NFKBIZ: variants seen among roughly 807,000 people sequenced by gnomAD.
NFKBIZ encodes the protein NFKB inhibitor zeta.
Under a neutral mutation model 76.8 loss-of-function variants are expected in NFKBIZ, and 19 were observed. The ratio of observed to expected loss-of-function variants is 0.25; its 90% CI spans 0.17 to 0.36. NFKBIZ has a LOEUF of 0.36. NFKBIZ is among the 10% of genes least tolerant of loss of function. The probability of loss-of-function intolerance (pLI) is 1.00; values close to 1 mark genes in which losing one functional copy is unlikely to be tolerated. For missense variants in NFKBIZ, 829 were observed against 910.9 expected (o/e 0.91, Z 1.16); for synonymous variants, 368 against 354.8 (o/e 1.04, Z -0.42).
At chr3:101,833,915 T>C (rs183823196) in intron 2 of NFKBIZ, among the ~76,000 whole-genome samples, 1 of 152,328 alleles carries the variant, frequency 6.6e-6, no homozygotes, top group African/African-American at 2.4e-5. Flanking sequence ...GGACATGCTT[T>C]CTCCACCCCA....
chr3:101,850,999 C>A (rs539668454), intron 1 of NFKBIZ, among the ~76,000 whole-genome samples: 3 of 152,314 alleles, frequency 2.0e-5, no homozygotes, highest in Non-Finnish European at 4.4e-5. Flanking sequence ...TTATGAACTG[C>A]TGTCATTCCA....
chr3:101,836,314 C>T (rs1942719677), intron 2 of NFKBIZ, among the ~76,000 whole-genome samples: 1 of 152,218 alleles, frequency 6.6e-6, no homozygotes, highest in African/African-American at 2.4e-5. Flanking sequence ...TCTGAAACTG[C>T]TTTGTTGTCA....
rs771185431 is a variant in NFKBIZ at position 101,849,682 on chromosome 3, C to T, written c.54C>T (p.Asp18=). ...GCCGCGGCGGAGAGGGGCTGCGGGA[C>T]GCGGCGGGCGGCTGCGGCCTCATGA... ...DDSRGGEGLR[D]AAGGCGLMTS... is the part of the protein sequence containing the mutation. Residue 18 remains aspartate (D), a synonymous_variant, in exon 1 of 12, where the codon GAC becomes GAT. Transcript: ENST00000326172. The T allele has an allele frequency of 7.2e-6, 10 of 1,392,934 alleles. No homozygotes were observed. The highest frequency in any genetic ancestry group is 3.2e-5 in the South Asian group (2 of 61,914). 86.3% of individuals were successfully genotyped at this position (1,392,934 alleles called of 1,614,324 possible).
At chr3:101,834,729 C>A (rs1490087672) in intron 2 of NFKBIZ, among the ~76,000 whole-genome samples, 5 of 152,228 alleles carry the variant, frequency 3.3e-5, no homozygotes, top group African/African-American at 4.8e-5. Context: ...AAACAGTTCC[C>A]CTCTTTCCAT....
chr3:101,840,438 CAGGT>C (rs1942773355), intron 2 of NFKBIZ, among the ~76,000 whole-genome samples: 1 of 152,174 alleles, frequency 6.6e-6, no homozygotes, highest in Admixed American at 6.5e-5. Context: ...GTGTGGTACA[CAGGT>C]AGCCCTTCAG....
At position 101,854,971 on chromosome 3, in the gene NFKBIZ, G is replaced by T. The variant is rs1259294416; in HGVS notation, c.1444-91G>T. The T allele has an allele frequency of 5.2e-6, 7 of 1,349,578 alleles. No homozygotes were observed. In the Admixed American group the frequency reaches 7.8e-5, roughly 15 times the overall value. 83.6% of individuals were successfully genotyped at this position (1,349,578 alleles called of 1,614,324 possible). On this transcript the variant is annotated intron_variant, in intron 6 of 11. Transcript: ENST00000326172. ...TCAAAGGATTTATTTTCTCTCTGTG[G>T]GTTTTTCCCTCAGTCATAGTTTAGT...
upstream of NFKBIZ, among the ~76,000 whole-genome samples, chr3:101,848,199 C>G (rs927125512): frequency 6.6e-6 from 1 of 152,204 alleles, no homozygotes; most frequent in African/African-American, 2.4e-5. Context: ...CATGTTTTCT[C>G]AATGTTTATT....
intron 2 of NFKBIZ, among the ~76,000 whole-genome samples, chr3:101,838,347 G>T (rs1942749407): frequency 2.0e-5 from 3 of 152,130 alleles, no homozygotes; most frequent in Middle Eastern, 3.2e-3. Context: ...TAAGAGATTT[G>T]CCCAAGGTCA....
chr3:101,855,931 G>C (rs1204503766), intron 9 of NFKBIZ, 29 bp downstream of exon 9: 30 of 1,568,406 alleles, frequency 1.9e-5, no homozygotes, highest in Non-Finnish European at 2.6e-5. Context: ...TTTAAGATGG[G>C]GTAGGGGAGA....
At chr3:101,853,046 T>C in intron 4 of NFKBIZ, 45 bp from the exon 5 acceptor site, 1 of 1,612,736 alleles carries the variant, frequency 6.2e-7, no homozygotes, top group Non-Finnish European at 8.5e-7. Context: ...CTGGGATAAT[T>C]TTAGAAGGAA....
intron 11 of NFKBIZ, chr3:101,857,764 T>C (rs1687429961): frequency 2.0e-6 from 2 of 985,308 alleles, no homozygotes; most frequent in Admixed American, 1.2e-4. Context: ...ATACCAAGGT[T>C]CCTGCAGATA....
chr3:101,847,836 G>GT (rs1243928135), upstream of NFKBIZ, among the ~76,000 whole-genome samples: 1 of 152,154 alleles, frequency 6.6e-6, no homozygotes, highest in Non-Finnish European at 1.5e-5. Flanking sequence ...CTAATACTGA[G>GT]TAACAATCCA....
At chr3:101,855,005 C>T in intron 6 of NFKBIZ, 57 bp from the exon 7 acceptor site, 2 of 1,515,904 alleles carry the variant, frequency 1.3e-6, no homozygotes, top group Non-Finnish European at 1.8e-6. Context: ...GTTTCATATT[C>T]CTTGTTATGA....
Position 101,859,453 on chromosome 3 carries a change from T to C in NFKBIZ, c.*82T>C, listed in dbSNP as rs1943104261. 8.9e-7 allele frequency: 1 copy of C among 1,119,304 alleles called. No individual in the cohort carries two copies. Among genetic ancestry groups the C allele is most frequent in the Non-Finnish European group, 1.4e-6 (1 of 739,650 alleles). 69.3% of individuals were successfully genotyped at this position (1,119,304 alleles called of 1,614,324 possible). On this transcript the variant is annotated 3_prime_UTR_variant, in exon 12 of 12. Transcript: ENST00000326172. ...GTATCTGTACATAGACCATTTGCCTTATATTGGCAAATGTAAGTTGTTTCT... is the reference window on the plus strand; with the variant it reads ...GTATCTGTACATAGACCATTTGCCTCATATTGGCAAATGTAAGTTGTTTCT...
chr3:101,834,138 C>T (rs1942683252), intron 2 of NFKBIZ, among the ~76,000 whole-genome samples: 1 of 152,042 alleles, frequency 6.6e-6, no homozygotes, highest in Non-Finnish European at 1.5e-5. Context: ...GTGGCAGGAG[C>T]AGTGCAGGGA....
intron 2 of NFKBIZ, among the ~76,000 whole-genome samples, chr3:101,830,392 T>C (rs747785808): frequency 1.3e-5 from 2 of 152,180 alleles, no homozygotes; most frequent in Non-Finnish European, 2.9e-5. Context: ...CCTGGGTGTA[T>C]TGCGTGATGT....
Position 101,853,334 on chromosome 3 carries a change from C to G in NFKBIZ, c.808C>G (p.Gln270Glu). Residue 270 changes from glutamine to glutamate, a missense_variant, in exon 5 of 12, where the codon CAA becomes GAA. Gln to Glu is a conservative substitution (Grantham distance 29). This residue lies in a region of NFKBIZ where 371 missense variants were observed against 332.3 expected (regional missense o/e 1.12). Transcript: ENST00000326172. ...GQVFSPPQKC[Q>E]PFQVRGSQQM... ...GGTCTTTTCTCCACCTCAGAAATGC[C>G]AACCATTCCAAGTCAGGGGCTCCCA... 1.2e-6 allele frequency: 2 copies of G among 1,614,132 alleles called. No individual in the cohort carries two copies. Among genetic ancestry groups the G allele is most frequent in the East Asian group, 4.5e-5 (2 of 44,888 alleles).
At position 101,837,820 on chromosome 3, in the gene NFKBIZ, C is replaced by G. The variant is rs2107398599; in HGVS notation, c.-12+8132C>G. Among the ~76,000 whole-genome samples the G allele has an allele frequency of 1.3e-5, 2 of 152,210 alleles. 1 individual carries two copies. Among genetic ancestry groups the G allele is most frequent in the Non-Finnish European group, 2.9e-5 (2 of 68,012 alleles). On this transcript the variant is annotated intron_variant, in intron 2 of 12. Transcript: ENST00000394054. ...CACTCTGCAGGGCAACAGGACAAGT[C>G]TATAAAATCCAGAATCAGATTAGGA...
At chr3:101,836,045 GAA>G (rs1942716313) in intron 2 of NFKBIZ, among the ~76,000 whole-genome samples, 1 of 152,184 alleles carries the variant, frequency 6.6e-6, no homozygotes, top group Non-Finnish European at 1.5e-5. Context: ...TGAAAGAGTA[GAA>G]ACAGTCAAAT....
Sources: gnomAD v4.1 joint callset for allele counts (sites outside exome capture counted in the v4.1 genomes callset) on GRCh38, gnomAD v4.1.1 for gene constraint, gnomAD v4.1.1 regional missense constraint, MANE v1.5 for transcripts, NCBI Gene and HGNC (gene_info 2026-07-23, HGNC 2026-07-21) for gene names.